ADAM18: variants seen among roughly 807,000 people sequenced by gnomAD.
ADAM18 encodes the protein disintegrin and metalloproteinase domain-containing protein 18.
A neutral mutation model predicts 94.4 loss-of-function variants in ADAM18; 117 were observed. The ratio of observed to expected loss-of-function variants is 1.24; its 90% CI spans 1.07 to 1.45. The LOEUF is 1.45. Ranked by LOEUF, ADAM18 falls within the 40% of genes most tolerant of loss-of-function variation. The probability of loss-of-function intolerance (pLI) is 0.00; values close to 1 mark genes in which losing one functional copy is unlikely to be tolerated. For synonymous variants in ADAM18, 327 were observed against 291.6 expected (o/e 1.12, Z -1.24); for missense variants, 936 against 880.0 (o/e 1.06, Z -0.81).
intron 5 of ADAM18, among the ~76,000 whole-genome samples, 156 bp downstream of exon 5, chr8:39,609,717 A>G (rs1223931206): frequency 6.6e-6 from 1 of 152,188 alleles, no homozygotes; most frequent in Non-Finnish European, 1.5e-5. Flanking sequence ...ATTAATGTTA[A>G]TACTTAGACC....
chr8:39,677,571 A>C (rs770438508), intron 15 of ADAM18, 35 bp downstream of exon 15: 1 of 1,473,584 alleles, frequency 6.8e-7, no homozygotes, highest in Non-Finnish European at 9.2e-7. Context: ...TCTTTGAATC[A>C]TAAAAATTAT....
intron 7 of ADAM18, among the ~76,000 whole-genome samples, chr8:39,633,623 GAACTTTAT>G (rs1439178309): frequency 3.9e-5 from 6 of 152,102 alleles, no homozygotes; most frequent in Non-Finnish European, 7.4e-5. Context: ...CCATGCCATA[GAACTTTAT>G]GGAAGTCAGA....
intron 15 of ADAM18, among the ~76,000 whole-genome samples, chr8:39,678,987 C>G (rs923633991): frequency 6.6e-6 from 1 of 152,032 alleles, no homozygotes; most frequent in African/African-American, 2.4e-5. Context: ...TACATACATA[C>G]CATGCAAGTC....
chr8:39,620,071 C>A (rs949995600), intron 6 of ADAM18, among the ~76,000 whole-genome samples: 3 of 151,970 alleles, frequency 2.0e-5, no homozygotes, highest in African/African-American at 7.2e-5. Flanking sequence ...TTACAGCCAT[C>A]CTTTTTTATT....
intron 12 of ADAM18, among the ~76,000 whole-genome samples, chr8:39,648,763 A>T (rs1820451726): frequency 6.6e-6 from 1 of 152,126 alleles, no homozygotes; most frequent in African/African-American, 2.4e-5. Flanking sequence ...ATGCCAGCAG[A>T]TTGATTTTGA....
At chr8:39,624,317 A>AT (rs1329973335) in intron 6 of ADAM18, among the ~76,000 whole-genome samples, 2 of 152,082 alleles carry the variant, frequency 1.3e-5, no homozygotes, top group Admixed American at 6.5e-5. Flanking sequence ...TCTTGAGTTG[A>AT]TTTTTGTATA....
chr8:39,648,319 C>T (rs903173230), intron 11 of ADAM18, 25 bp from the exon 12 acceptor site: 28 of 1,544,210 alleles, frequency 1.8e-5, no homozygotes, highest in Non-Finnish European at 2.3e-5. Flanking sequence ...GGCTTATTTG[C>T]CTGAGGAATA....
chr8:39,692,560 A>T, intron 16 of ADAM18, 40 bp from the exon 17 acceptor site: 1 of 1,298,310 alleles, frequency 7.7e-7, no homozygotes, highest in Non-Finnish European at 1.1e-6. Flanking sequence ...GTTTTATATG[A>T]CATTTGTGAA....
intron 2 of ADAM18, among the ~76,000 whole-genome samples, chr8:39,588,006 G>A (rs1043960171): frequency 5.9e-5 from 9 of 152,194 alleles, no homozygotes; most frequent in South Asian, 2.1e-4. Flanking sequence ...TGGGGCTGCA[G>A]ATATCTCTTC....
At chr8:39,679,565 G>T (rs1055836999) in intron 15 of ADAM18, among the ~76,000 whole-genome samples, 2 of 152,158 alleles carry the variant, frequency 1.3e-5, no homozygotes, top group African/African-American at 4.8e-5. Flanking sequence ...AGAAATTGTG[G>T]ATCAAAATGA....
chr8:39,648,365 T>G lies in ADAM18; in HGVS notation c.1068T>G (p.Ile356Met), dbSNP rs201596679. The change falls in exon 12 of 20, where the codon ATT becomes ATG. Residue 356 changes from isoleucine (I) to methionine (M), a missense_variant. By Grantham distance (10) the Ile-to-Met change is conservative (BLOSUM62 1). Transcript: ENST00000265707. Reference sequence around the variant, plus strand: ...TTAGGAGTGCCAGTGGTAGAAAGATTTTTAGCAACTGCAGCATGCACGACT... The same window carrying G: ...TTAGGAGTGCCAGTGGTAGAAAGATGTTTAGCAACTGCAGCATGCACGACT... ...HEAVSASGRK[I>M]FSNCSMHDYR... 3 of 1,594,120 alleles carry G rather than the reference T, an allele frequency of 1.9e-6. No individual in the cohort carries two copies. The Admixed American group carries it at 5.4e-5, about 29-fold the overall frequency.
intron 7 of ADAM18, among the ~76,000 whole-genome samples, chr8:39,631,920 C>T (rs1258605479): frequency 6.6e-6 from 1 of 151,858 alleles, no homozygotes; most frequent in African/African-American, 2.4e-5. Flanking sequence ...TTTTGTGATG[C>T]CCTAGTAAAT....
intron 16 of ADAM18, among the ~76,000 whole-genome samples, chr8:39,682,079 A>G (rs950509225): frequency 2.0e-5 from 3 of 152,186 alleles, no homozygotes; most frequent in African/African-American, 7.2e-5. Context: ...AGAGTAACAA[A>G]AGATTAGTCA....
intron 16 of ADAM18, among the ~76,000 whole-genome samples, chr8:39,687,721 A>G (rs74637038): frequency 6.6e-6 from 1 of 152,146 alleles, no homozygotes; most frequent in African/African-American, 2.4e-5. Context: ...AACATGCAGT[A>G]TTTAGTTTTC....
chr8:39,645,009 G>A lies in ADAM18; in HGVS notation c.910-329G>A, dbSNP rs565928167. The stretch of plus-strand genomic sequence containing the variant: ...ATAATGCCTGACACATGAGTACACT[G>A]AATTGATATCTATTCATTGGATGAA... On this transcript the variant is annotated intron_variant, in intron 10 of 19. Transcript: ENST00000265707. 5.3e-5 allele frequency among the ~76,000 whole-genome samples: 8 copies of A among 152,204 alleles called. No individual in the cohort carries two copies. In the South Asian group the frequency reaches 1.7e-3, roughly 32 times the overall value.
intron 13 of ADAM18, among the ~76,000 whole-genome samples, 184 bp downstream of exon 13, chr8:39,664,074 G>T (rs573712990): frequency 6.6e-6 from 1 of 152,308 alleles, no homozygotes; most frequent in South Asian, 2.1e-4. Flanking sequence ...TCTCAGACAG[G>T]TACGGTTGCA....
intron 7 of ADAM18, among the ~76,000 whole-genome samples, chr8:39,633,591 C>T (rs1585919993): frequency 1.3e-5 from 2 of 151,968 alleles, no homozygotes; most frequent in Non-Finnish European, 2.9e-5. Context: ...AGAAAGTGGC[C>T]AATCACTTGG....
At chr8:39,682,522 G>A (rs1462643465) in intron 16 of ADAM18, among the ~76,000 whole-genome samples, 1 of 152,134 alleles carries the variant, frequency 6.6e-6, no homozygotes, top group African/African-American at 2.4e-5. Flanking sequence ...AGGCAGAACT[G>A]AGAGCCAAGA....
Position 39,723,739 on chromosome 8 carries a change from C to A in ADAM18, c.2018-9C>A. ...GTCCCCACTAATTTATCATATGATT[C>A]ATTTCTAGGTGACTTTTATACTGAA... is the stretch of plus-strand genomic sequence containing the variant. On this transcript the variant is annotated splice_polypyrimidine_tract_variant and intron_variant, in intron 18 of 19. Transcript: ENST00000265707. 6.9e-7 allele frequency: 1 copy of A among 1,454,738 alleles called. No individual in the cohort carries two copies. The highest frequency in any genetic ancestry group is 1.6e-5 in the South Asian group (1 of 62,282). 90.1% of individuals were successfully genotyped at this position (1,454,738 alleles called of 1,614,324 possible). A position where few individuals can be genotyped will look rare whatever the true frequency, so the allele number is the denominator to read the frequency against.
Sources: gnomAD v4.1 joint callset for allele counts (sites outside exome capture counted in the v4.1 genomes callset) on GRCh38, gnomAD v4.1.1 for gene constraint, MANE v1.5 for transcripts, NCBI Gene and HGNC (gene_info 2026-07-23, HGNC 2026-07-21) for gene names.